SNCAIP: variants seen among roughly 807,000 people sequenced by gnomAD.
The protein encoded by SNCAIP is synphilin-1.
Under a neutral mutation model 86.7 loss-of-function variants are expected in SNCAIP, and 43 were observed. That is an observed-to-expected ratio of 0.50 (90% CI 0.39 to 0.64). The LOEUF is 0.64. SNCAIP is among the 30% of genes least tolerant of loss of function. The pLI is 0.00. For missense variants in SNCAIP, 981 were observed against 1,103.1 expected (o/e 0.89, Z 1.57); for synonymous variants, 417 against 427.2 (o/e 0.98, Z 0.29).
intron 4 of SNCAIP, 45 bp from the exon 5 acceptor site, chr5:122,425,307 C>A: frequency 6.7e-7 from 1 of 1,487,350 alleles, no homozygotes. Context: ...CAGGGTCTTG[C>A]TCTGATTTAT....
chr5:122,392,876 C>T (rs1001054064), intron 2 of SNCAIP, among the ~76,000 whole-genome samples: 1 of 151,968 alleles, frequency 6.6e-6, no homozygotes, highest in East Asian at 1.9e-4. Flanking sequence ...TTTATATGAC[C>T]AATGGTGAAG....
chr5:122,403,376 A>C (rs938489014), intron 2 of SNCAIP, among the ~76,000 whole-genome samples: 1 of 152,188 alleles, frequency 6.6e-6, no homozygotes, highest in African/African-American at 2.4e-5. Flanking sequence ...CGGATGCTGC[A>C]GGAAGCCAGG....
intron 1 of SNCAIP, among the ~76,000 whole-genome samples, chr5:122,374,714 A>C (rs1764943160): frequency 6.6e-6 from 1 of 152,168 alleles, no homozygotes; most frequent in African/African-American, 2.4e-5. Context: ...TGAGAGTTCT[A>C]ATGTAAAAAT....
chr5:122,346,161 G>A (rs542402112), intron 1 of SNCAIP, among the ~76,000 whole-genome samples: 3 of 152,176 alleles, frequency 2.0e-5, no homozygotes, highest in Non-Finnish European at 2.9e-5. Flanking sequence ...AATATGACCT[G>A]GCCCTGCATT....
chr5:122,423,670 A>G lies in SNCAIP; in HGVS notation c.933A>G (p.Glu311=), dbSNP rs1446878171. ...LNRTSSQGPE[E]RSEYLKKVKS... ...GGACCAGCTCCCAAGGCCCAGAAGA[A>G]AGGAGTGAGTATCTGAAAAAAGTGA... The change falls in exon 4 of 11, where the codon GAA becomes GAG. Residue 311 remains glutamate, a synonymous_variant. Transcript: ENST00000261368. 1 of 1,610,372 alleles carries G rather than the reference A, an allele frequency of 6.2e-7. No individual in the cohort carries two copies. The highest frequency in any genetic ancestry group is 1.1e-5 in the South Asian group (1 of 91,006).
intron 5 of SNCAIP, among the ~76,000 whole-genome samples, chr5:122,429,457 CAAA>C (rs368162956): frequency 1.7e-3 from 245 of 143,052 alleles, no homozygotes; most frequent in African/African-American, 5.7e-3. Flanking sequence ...GTAAACTGAC[CAAA>C]AAAAAAAAAA....
chr5:122,326,606 C>CTTTTTTTTTT (rs11297385), intron 1 of SNCAIP, among the ~76,000 whole-genome samples: 1 of 42,130 alleles, frequency 2.4e-5, no homozygotes, highest in Non-Finnish European at 3.9e-5. Flanking sequence ...GAAATGTCTC[C>CTTTTTTTTTT]TTTTTTTTTT....
At chr5:122,320,984 A>G (rs1279420588) in intron 1 of SNCAIP, among the ~76,000 whole-genome samples, 2 of 152,008 alleles carry the variant, frequency 1.3e-5, no homozygotes, top group African/African-American at 4.8e-5. Flanking sequence ...TTCTCATTCC[A>G]TAGGCATTTC....
chr5:122,374,741 AG>A (rs947300642), intron 1 of SNCAIP, among the ~76,000 whole-genome samples: 1 of 152,180 alleles, frequency 6.6e-6, no homozygotes, highest in South Asian at 2.1e-4. Flanking sequence ...GCAACTCAAC[AG>A]TTTTCAGTCT....
chr5:122,389,857 G>A (rs1019883028), intron 1 of SNCAIP: 12 of 151,992 alleles, frequency 7.9e-5, no homozygotes, highest in African/African-American at 1.9e-4. Context: ...ATTAAATCAA[G>A]TGATGGGTTT....
chr5:122,443,603 G>A (rs963874644), intron 7 of SNCAIP: 29 of 456,916 alleles, frequency 6.3e-5, no homozygotes, highest in Non-Finnish European at 9.7e-5. Context: ...CTTGGAATGG[G>A]AGTGAGACAT....
intron 8 of SNCAIP, among the ~76,000 whole-genome samples, chr5:122,447,197 A>G (rs897733417): frequency 5.9e-5 from 9 of 152,192 alleles, no homozygotes; most frequent in African/African-American, 2.2e-4. Flanking sequence ...GGAGAGAAGC[A>G]AGGAACAGCT....
chr5:122,374,422 G>A (rs1359092692), intron 1 of SNCAIP, among the ~76,000 whole-genome samples: 2 of 152,112 alleles, frequency 1.3e-5, no homozygotes, highest in Non-Finnish European at 2.9e-5. Context: ...CTTCTGTGGT[G>A]CCAAAGAGGA....
chr5:122,341,564 A>G (rs1211994432), intron 1 of SNCAIP, among the ~76,000 whole-genome samples: 1 of 152,230 alleles, frequency 6.6e-6, no homozygotes, highest in Non-Finnish European at 1.5e-5. Context: ...AATTAACCCA[A>G]TCCCAGGCTT....
At chr5:122,346,681 G>T (rs886791376) in intron 1 of SNCAIP, among the ~76,000 whole-genome samples, 2 of 151,760 alleles carry the variant, frequency 1.3e-5, no homozygotes, top group Admixed American at 1.3e-4. Flanking sequence ...CAGCTAAATC[G>T]GTAGACACTT....
intron 1 of SNCAIP, among the ~76,000 whole-genome samples, chr5:122,377,779 A>C (rs1765686612): frequency 6.9e-6 from 1 of 144,054 alleles, no homozygotes; most frequent in Non-Finnish European, 1.5e-5. Context: ...TATGAGTGAG[A>C]ATATGCGGTG....
intron 1 of SNCAIP, among the ~76,000 whole-genome samples, chr5:122,367,852 C>G (rs6595363): frequency 0.88 from 134,441 of 152,116 alleles, 59,512 homozygotes; most frequent in Admixed American, 0.93. Context: ...TTGTCTCGTA[C>G]CTGTGTGTGC....
At chr5:122,385,727 C>T (rs572146848) in intron 1 of SNCAIP, among the ~76,000 whole-genome samples, 18 of 149,680 alleles carry the variant, frequency 1.2e-4, no homozygotes, top group Non-Finnish European at 2.2e-4. Flanking sequence ...GTGCAGGGAG[C>T]GGCTGTGTTT....
chr5:122,449,699 A>C, intron 8 of SNCAIP, 146 bp from the exon 9 acceptor site: 1 of 650,654 alleles, frequency 1.5e-6, no homozygotes, highest in African/African-American at 1.8e-5. Flanking sequence ...AAAATTTCTG[A>C]ACCTGTAAGG....
Sources: allele counts gnomAD v4.1 joint callset (sites outside exome capture counted in the v4.1 genomes callset), GRCh38; gene constraint gnomAD v4.1.1; transcripts MANE v1.5; gene names NCBI Gene and HGNC (gene_info 2026-07-23, HGNC 2026-07-21).